The following PALM2AKAP2 variants were observed in gnomAD, a reference collection of about 807,000 sequenced individuals.
PALM2AKAP2 encodes the protein PALM2 and AKAP2 fusion.
In PALM2AKAP2, 37 loss-of-function variants were observed where a neutral mutation model predicts 71.5. That is an observed-to-expected ratio of 0.52 (90% CI 0.40 to 0.68). PALM2AKAP2 has a LOEUF of 0.68. Among genes scored for constraint, PALM2AKAP2 ranks in the 30% least tolerant of loss-of-function variants. PALM2AKAP2 has a pLI of 0.00. For missense variants in PALM2AKAP2, 1,224 were observed against 1,191.8 expected (o/e 1.03, Z -0.40); for synonymous variants, 468 against 478.8 (o/e 0.98, Z 0.29).
intron 1 of PALM2AKAP2, among the ~76,000 whole-genome samples, chr9:109,658,298 T>A (rs573655703): frequency 8.5e-5 from 13 of 152,182 alleles, no homozygotes; most frequent in African/African-American, 3.1e-4. Context: ...GTAGGTAGTA[T>A]AGACAGAGAC....
chr9:110,065,054 C>G (rs993160076), intron 1 of PALM2AKAP2, among the ~76,000 whole-genome samples: 2 of 152,188 alleles, frequency 1.3e-5, no homozygotes, highest in Non-Finnish European at 2.9e-5. Context: ...TTGTCCCCAT[C>G]AGTAAGCTTT....
chr9:109,705,873 C>T (rs1828135798), intron 1 of PALM2AKAP2, among the ~76,000 whole-genome samples: 1 of 152,188 alleles, frequency 6.6e-6, no homozygotes, highest in Non-Finnish European at 1.5e-5. Context: ...GTTTCTTACT[C>T]CATAGGTCAA....
intron 1 of PALM2AKAP2, among the ~76,000 whole-genome samples, chr9:109,756,752 T>C (rs182953509): frequency 6.6e-6 from 1 of 152,320 alleles, no homozygotes. Flanking sequence ...CCAGTTGGAA[T>C]TTCAAGATTT....
At chr9:110,133,536 T>G (rs1835781229) in intron 1 of PALM2AKAP2, among the ~76,000 whole-genome samples, 1 of 152,198 alleles carries the variant, frequency 6.6e-6, no homozygotes, top group Admixed American at 6.5e-5. Flanking sequence ...CCTTTTAGTT[T>G]CCTTTACTAT....
chr9:110,016,574 T>C (rs1832983526), intron 7 of PALM2AKAP2, among the ~76,000 whole-genome samples: 1 of 152,196 alleles, frequency 6.6e-6, no homozygotes, highest in African/African-American at 2.4e-5. Context: ...AAATGAGTCA[T>C]CTAGAAATCC....
intron 1 of PALM2AKAP2, among the ~76,000 whole-genome samples, chr9:109,653,289 A>G (rs1827251368): frequency 6.6e-6 from 1 of 152,198 alleles, no homozygotes; most frequent in Non-Finnish European, 1.5e-5. Flanking sequence ...AAAACAGAAC[A>G]AACAAAACGA....
intron 1 of PALM2AKAP2, among the ~76,000 whole-genome samples, chr9:110,068,688 T>C (rs144261676): frequency 0.013 from 2,023 of 152,110 alleles, 40 homozygotes; most frequent in African/African-American, 0.047. Flanking sequence ...TGCGCCACCA[T>C]GCCTGGCTAA....
chr9:109,653,915 C>G (rs1827260366), intron 1 of PALM2AKAP2, among the ~76,000 whole-genome samples: 1 of 152,190 alleles, frequency 6.6e-6, no homozygotes, highest in South Asian at 2.1e-4. Context: ...AGAGCAAAAC[C>G]TGGCTCTTCA....
intron 3 of PALM2AKAP2, among the ~76,000 whole-genome samples, chr9:109,922,810 G>C (rs1406936807): frequency 1.3e-5 from 2 of 152,184 alleles, no homozygotes; most frequent in African/African-American, 4.8e-5. Flanking sequence ...TCTAGAGTCA[G>C]AGCACCTGGC....
intron 1 of PALM2AKAP2, among the ~76,000 whole-genome samples, chr9:110,065,098 G>A (rs1489068165): frequency 6.6e-6 from 1 of 152,250 alleles, no homozygotes; most frequent in Non-Finnish European, 1.5e-5. Context: ...TTCTGGTGGA[G>A]GGCCAGCTTC....
exon 4 of PALM2AKAP2, chr9:110,169,735 A>T (rs1486805807): frequency 6.6e-6 from 1 of 152,452 alleles, no homozygotes; most frequent in Non-Finnish European, 1.5e-5. Flanking sequence ...CAAATCCTAA[A>T]GATGGGGTGT....
At chr9:109,827,542 G>A (rs1431855345) in intron 1 of PALM2AKAP2, among the ~76,000 whole-genome samples, 1 of 152,164 alleles carries the variant, frequency 6.6e-6, no homozygotes, top group Admixed American at 6.5e-5. Flanking sequence ...CTGGGAGGCA[G>A]AGGTTGCAGT....
intron 1 of PALM2AKAP2, among the ~76,000 whole-genome samples, chr9:109,690,751 C>G (rs575891687): frequency 2.0e-5 from 3 of 152,300 alleles, no homozygotes; most frequent in African/African-American, 7.2e-5. Context: ...TAAAGACTCT[C>G]TCCCTTTATG....
intron 1 of PALM2AKAP2, among the ~76,000 whole-genome samples, chr9:109,769,228 A>G (rs76321725): frequency 6.6e-5 from 10 of 152,144 alleles, no homozygotes; most frequent in African/African-American, 2.2e-4. Context: ...TTTCCCACCA[A>G]TGGTCATATT....
At chr9:110,009,787 G>A (rs958127135) in intron 6 of PALM2AKAP2, among the ~76,000 whole-genome samples, 2 of 151,258 alleles carry the variant, frequency 1.3e-5, no homozygotes, top group East Asian at 3.9e-4. Context: ...ATGGCTTCCT[G>A]CTACCAGCCC....
chr9:109,807,652 A>T (rs1827616094), intron 1 of PALM2AKAP2, among the ~76,000 whole-genome samples: 1 of 151,798 alleles, frequency 6.6e-6, no homozygotes, highest in African/African-American at 2.4e-5. Flanking sequence ...AGGATGAATT[A>T]TTTAATCACT....
chr9:109,833,021 T>A (rs1828350074), intron 1 of PALM2AKAP2, among the ~76,000 whole-genome samples: 1 of 152,204 alleles, frequency 6.6e-6, no homozygotes, highest in Non-Finnish European at 1.5e-5. Context: ...GTTGCCCAGC[T>A]AGTCCATCCC....
exon 1 of PALM2AKAP2, chr9:110,048,833 C>T (rs1279997588): frequency 6.5e-7 from 1 of 1,527,692 alleles, no homozygotes; most frequent in African/African-American, 1.4e-5. Flanking sequence ...CAGGACTGCG[C>T]CCCCGGGAGC....
upstream of PALM2AKAP2, among the ~76,000 whole-genome samples, chr9:110,043,716 G>GTTTTTTTTTT (rs61128628): frequency 4.4e-5 from 4 of 91,584 alleles, no homozygotes; most frequent in Non-Finnish European, 6.1e-5. Flanking sequence ...TTTTTTTGGT[G>GTTTTTTTTTT]TTTTTTTTTT....
Sources: gnomAD v4.1 joint callset for allele counts (sites outside exome capture counted in the v4.1 genomes callset) on GRCh38, gnomAD v4.1.1 for gene constraint, MANE v1.5 for transcripts, NCBI Gene and HGNC (gene_info 2026-07-23, HGNC 2026-07-21) for gene names.